Variants in ZC3H12B observed in about 807,000 individuals in gnomAD.
The protein encoded by ZC3H12B is probable ribonuclease ZC3H12B.
ZC3H12B carries 7 observed loss-of-function variants against 43.9 expected under a neutral mutation model. That is an observed-to-expected ratio of 0.16 (90% CI 0.09 to 0.30). The LOEUF is 0.30. Among genes scored for constraint, ZC3H12B ranks in the 10% least tolerant of loss-of-function variants. The pLI is 1.00. For synonymous variants in ZC3H12B, 222 were observed against 241.7 expected (o/e 0.92, Z 0.76); for missense variants, 475 against 670.2 (o/e 0.71, Z 3.22).
the ZC3H12B span, among the ~76,000 whole-genome samples, chrX:65,324,649 A>T: frequency 9.0e-6 from 1 of 111,356 alleles, no homozygotes; most frequent in African/African-American, 3.3e-5. Context: ...CACCATTGTC[A>T]TCTGAAAAGT....
the ZC3H12B span, among the ~76,000 whole-genome samples, chrX:65,278,047 A>C: frequency 1.2e-4 from 13 of 111,964 alleles, no homozygotes; most frequent in Non-Finnish European, 2.4e-4. Flanking sequence ...AAAAATAAAT[A>C]ATATCCATCA....
chrX:65,392,062 C>A (rs1456768059), intron 2 of ZC3H12B, among the ~76,000 whole-genome samples: 1 of 111,831 alleles, frequency 8.9e-6, no homozygotes, highest in Non-Finnish European at 1.9e-5. Context: ...CTCGCTCACT[C>A]AGTGCTCAAT....
intron 3 of ZC3H12B, among the ~76,000 whole-genome samples, chrX:65,436,021 C>A (rs759591226): frequency 8.9e-6 from 1 of 112,142 alleles, no homozygotes; most frequent in South Asian, 3.7e-4. Flanking sequence ...GTTAAATTGA[C>A]TCATGGATAC....
chrX:65,089,682 C>T, the ZC3H12B span, among the ~76,000 whole-genome samples: 2 of 112,283 alleles, frequency 1.8e-5, no homozygotes, highest in Non-Finnish European at 3.8e-5. Context: ...TTTGTAATAA[C>T]ACTTAGCTTG....
chrX:65,400,410 G>C (rs1272332049), intron 3 of ZC3H12B, among the ~76,000 whole-genome samples: 1 of 110,924 alleles, frequency 9.0e-6, no homozygotes, highest in Non-Finnish European at 1.9e-5. Flanking sequence ...AAAGACTCTG[G>C]AATCTCTTAA....
At chrX:65,130,356 G>T in the ZC3H12B span, among the ~76,000 whole-genome samples, 9 of 111,395 alleles carry the variant, frequency 8.1e-5, no homozygotes, top group African/African-American at 2.9e-4. Flanking sequence ...CAGAAGGGAA[G>T]AAATGACTGT....
the ZC3H12B span, among the ~76,000 whole-genome samples, chrX:65,044,536 T>G: frequency 1.2e-3 from 124 of 101,558 alleles, 3 homozygotes; most frequent in South Asian, 0.047. Context: ...TTGACTTGAT[T>G]TGATTTATAT....
chrX:65,099,412 G>C, the ZC3H12B span, among the ~76,000 whole-genome samples: 1 of 111,579 alleles, frequency 9.0e-6, no homozygotes, highest in Non-Finnish European at 1.9e-5. Flanking sequence ...GTGGGTCCCT[G>C]ACCACCGTAC....
At chrX:65,230,611 CAAAA>C in the ZC3H12B span, among the ~76,000 whole-genome samples, 1 of 49,333 alleles carries the variant, frequency 2.0e-5, no homozygotes. Flanking sequence ...CCCCCAGCGC[CAAAA>C]AAAAAAAAAA....
the ZC3H12B span, among the ~76,000 whole-genome samples, chrX:65,148,211 G>A: frequency 1.8e-5 from 2 of 111,089 alleles, no homozygotes; most frequent in African/African-American, 3.3e-5. Flanking sequence ...TGGGCCTGAA[G>A]TGTGAGGCTA....
At chrX:65,379,040 C>G (rs1008056842) in intron 2 of ZC3H12B, among the ~76,000 whole-genome samples, 1 of 111,983 alleles carries the variant, frequency 8.9e-6, no homozygotes, top group Admixed American at 9.4e-5. Flanking sequence ...GAGGGGTGCC[C>G]GCAATTGCCC....
At chrX:65,128,165 C>T in the ZC3H12B span, among the ~76,000 whole-genome samples, 89 of 112,253 alleles carry the variant, frequency 7.9e-4, no homozygotes, top group Non-Finnish European at 1.5e-3. Flanking sequence ...ACCTATCTGC[C>T]ATCTTAATCC....
At chrX:65,329,449 G>T in the ZC3H12B span, among the ~76,000 whole-genome samples, 2 of 101,284 alleles carry the variant, frequency 2.0e-5, no homozygotes, top group African/African-American at 4.8e-5. Context: ...CTGGATATTA[G>T]CCCTTTGTCA....
chrX:65,501,681 C>A, intron 4 of ZC3H12B, 108 bp from the exon 10 acceptor site: 1 of 829,120 alleles, frequency 1.2e-6, no homozygotes, highest in Non-Finnish European at 1.7e-6. Context: ...TCTGCCTTTA[C>A]CCCAAACAGT....
the ZC3H12B span, among the ~76,000 whole-genome samples, chrX:65,126,858 GTTTT>G: frequency 9.3e-6 from 1 of 107,531 alleles, no homozygotes; most frequent in East Asian, 3.0e-4. Flanking sequence ...GATTGTGATT[GTTTT>G]TTTATTTATG....
At chrX:65,424,349 G>A (rs1299048281) in intron 3 of ZC3H12B, among the ~76,000 whole-genome samples, 1 of 111,785 alleles carries the variant, frequency 8.9e-6, no homozygotes, top group South Asian at 3.7e-4. Flanking sequence ...TAAGTTCCTT[G>A]TATATGCTAG....
the ZC3H12B span, among the ~76,000 whole-genome samples, chrX:65,194,865 A>G: frequency 1.8e-5 from 2 of 112,127 alleles, no homozygotes; most frequent in Admixed American, 1.9e-4. Context: ...GGATGCATAT[A>G]TATTTAAAAT....
the ZC3H12B span, among the ~76,000 whole-genome samples, chrX:65,152,710 T>C: frequency 1.8e-5 from 2 of 111,375 alleles, no homozygotes; most frequent in African/African-American, 6.6e-5. Context: ...CCAGACTTTC[T>C]TCACAGAATT....
At chrX:65,238,966 G>A in the ZC3H12B span, among the ~76,000 whole-genome samples, 30 of 111,537 alleles carry the variant, frequency 2.7e-4, no homozygotes, top group Non-Finnish European at 5.5e-4. Context: ...ATGATGTCAG[G>A]GGTTTTTTTA....
Sources: gnomAD v4.1 joint callset for allele counts (sites outside exome capture counted in the v4.1 genomes callset) on GRCh38, gnomAD v4.1.1 for gene constraint, MANE v1.5 for transcripts, NCBI Gene and HGNC (gene_info 2026-07-23, HGNC 2026-07-21) for gene names.